CENPE: variants seen among roughly 807,000 people sequenced by gnomAD.
CENPE encodes centromere protein E.
CENPE carries 145 observed loss-of-function variants against 336.1 expected under a neutral mutation model. That is an observed-to-expected ratio of 0.43 (90% confidence interval 0.38 to 0.50). CENPE has a LOEUF of 0.50. Among genes scored for constraint, CENPE ranks in the 20% least tolerant of loss-of-function variants. The pLI is 0.00. For missense variants in CENPE, 2,719 were observed against 3,023.3 expected (o/e 0.90, Z 2.36); for synonymous variants, 1,013 against 984.8 (o/e 1.03, Z -0.54).
rs573730610 is a variant in CENPE at position 103,148,581 on chromosome 4, A to T, written c.3843+263T>A. Among the ~76,000 whole-genome samples, 4 of 152,258 alleles carry T rather than the reference A, an allele frequency of 2.6e-5. No individual in the cohort carries two copies. The South Asian group carries it at 8.3e-4, about 32-fold the overall frequency. ...TTCTCCATAGCATTTACCACTATTT[A>T]ATGTTTTCTTGTTCATTTGATTGCT... On this transcript the variant is annotated intron_variant, in intron 28 of 48. Transcript: ENST00000265148.
intron 39 of CENPE, among the ~76,000 whole-genome samples, chr4:103,137,231 G>T (rs1340974455): frequency 1.3e-5 from 2 of 152,060 alleles, no homozygotes; most frequent in Admixed American, 1.3e-4. Context: ...GAGCAATAAA[G>T]CCTATATCAT....
intron 25 of CENPE, among the ~76,000 whole-genome samples, chr4:103,152,136 C>CA (rs11386251): frequency 0.16 from 24,281 of 147,918 alleles, 2,289 homozygotes; most frequent in Non-Finnish European, 0.21. Flanking sequence ...ATTATGACAG[C>CA]AAAAAAAAAG....
chr4:103,161,271 A>T lies in CENPE; in HGVS notation c.1966-20T>A. On this transcript the variant is annotated intron_variant, in intron 19 of 48. Transcript: ENST00000265148. ...TTCTTTCTATTGAGAAAAACATTGCAAATGCACAAAAATACACTGATCATT... is the reference window on the plus strand; with the variant it reads ...TTCTTTCTATTGAGAAAAACATTGCTAATGCACAAAAATACACTGATCATT... The T allele has an allele frequency of 1.2e-6, 2 of 1,605,528 alleles. No homozygotes were observed. The highest frequency in any genetic ancestry group is 1.7e-6 in the Non-Finnish European group (2 of 1,176,794).
intron 46 of CENPE, among the ~76,000 whole-genome samples, chr4:103,112,012 A>G (rs1046037164): frequency 5.3e-5 from 8 of 151,774 alleles, no homozygotes; most frequent in Non-Finnish European, 8.8e-5. Context: ...GTGTATATGT[A>G]TATACACTTT....
chr4:103,151,829 A>C (rs568510748), intron 25 of CENPE, among the ~76,000 whole-genome samples: 53 of 152,210 alleles, frequency 3.5e-4, no homozygotes, highest in Non-Finnish European at 6.2e-4. Context: ...TTAGGCTCAC[A>C]CAGTGACATT....
At position 103,159,330 on chromosome 4, in the gene CENPE, G is replaced by T; in HGVS notation, c.2287-6C>A. On this transcript the variant is annotated splice_region_variant and splice_polypyrimidine_tract_variant and intron_variant, in intron 21 of 48. Coordinates refer to ENST00000265148, the MANE Select transcript of CENPE (RefSeq NM_001813.3). The stretch of plus-strand genomic sequence containing the variant: ...TCTTCAGATTTGTCTTGTATCTATG[G>T]AAAAGAAATAAAATTTAGGGATGTT... 7.2e-7 allele frequency: 1 copy of T among 1,392,482 alleles called. No individual in the cohort carries two copies. Among genetic ancestry groups the T allele is most frequent in the South Asian group, 1.6e-5 (1 of 61,404 alleles). The allele number at this position is 1,392,482 out of a possible 1,614,324, so 86.3% of individuals were successfully genotyped here.
intron 42 of CENPE, among the ~76,000 whole-genome samples, chr4:103,124,144 C>T (rs903969768): frequency 1.3e-5 from 2 of 152,078 alleles, no homozygotes; most frequent in Non-Finnish European, 2.9e-5. Context: ...GGGTTTGGTA[C>T]CATCCATGGC....
chr4:103,144,225 C>G (rs184905062), intron 33 of CENPE, 106 bp downstream of exon 33: 2 of 946,788 alleles, frequency 2.1e-6, no homozygotes. Flanking sequence ...CTCGAGCCAC[C>G]GCGCCCGGCC....
At chr4:103,111,138 A>C in intron 46 of CENPE, 127 bp from the exon 47 acceptor site, 1 of 607,388 alleles carries the variant, frequency 1.6e-6, no homozygotes, top group Non-Finnish European at 2.7e-6. Flanking sequence ...ATTTCCCTGG[A>C]AGTCACCCTT....
At chr4:103,147,163 T>C (rs1753125149) in intron 29 of CENPE, among the ~76,000 whole-genome samples, 193 bp downstream of exon 29, 1 of 152,218 alleles carries the variant, frequency 6.6e-6, no homozygotes, top group Non-Finnish European at 1.5e-5. Flanking sequence ...CTGAAACATC[T>C]TCTCTCTGTT....
At chr4:103,157,059 C>CAAA (rs34199706) in intron 24 of CENPE, among the ~76,000 whole-genome samples, 11 of 98,014 alleles carry the variant, frequency 1.1e-4, no homozygotes, top group East Asian at 3.3e-4. Flanking sequence ...TGGCTACTAT[C>CAAA]AAAAAAAAAA....
chr4:103,143,135 A>T, intron 34 of CENPE, 113 bp downstream of exon 34: 2 of 619,926 alleles, frequency 3.2e-6, no homozygotes, highest in Non-Finnish European at 5.4e-6. Flanking sequence ...TAAATTGAGT[A>T]GGCAAGTAAG....
At position 103,133,844 on chromosome 4, in the gene CENPE, T is replaced by C. The variant is rs111280115; in HGVS notation, c.6571A>G (p.Ile2191Val). Residue 2191 changes from isoleucine to valine, a missense_variant, in exon 41 of 49, where the codon ATC (isoleucine) becomes GTC (valine). Ile to Val is a conservative substitution (Grantham distance 29). Coordinates refer to ENST00000265148, the MANE Select transcript of CENPE (RefSeq NM_001813.3). ...ATAAAATCCATTTCAAATTTATTGA[T>C]GGATTCATGTTGTTCTTCTTTTATT... ...TKIKEEQHESINKFEMDFIDE... is the reference protein window; with the variant it reads ...TKIKEEQHESVNKFEMDFIDE... The C allele has an allele frequency of 6.5e-5, 104 of 1,599,768 alleles. No homozygotes were observed. In the African/African-American group the frequency reaches 1.0e-3, roughly 16 times the overall value.
At chr4:103,150,014 G>A (rs1349830265) in intron 26 of CENPE, among the ~76,000 whole-genome samples, 1 of 152,166 alleles carries the variant, frequency 6.6e-6, no homozygotes, top group East Asian at 1.9e-4. Flanking sequence ...ATAAGGGGAA[G>A]ATGAGATAAA....
intron 16 of CENPE, among the ~76,000 whole-genome samples, chr4:103,167,048 G>A (rs1177386938): frequency 6.6e-6 from 1 of 151,960 alleles, no homozygotes; most frequent in African/African-American, 2.4e-5. Context: ...TTTAGTATTA[G>A]TTATACTAAT....
At position 103,148,915 on chromosome 4, in the gene CENPE, C is replaced by T. The variant is rs200458836; in HGVS notation, c.3772G>A (p.Val1258Ile). 97 of 1,613,074 alleles carry T rather than the reference C, an allele frequency of 6.0e-5. No individual in the cohort carries two copies. The highest frequency in any genetic ancestry group is 7.0e-5 in the Non-Finnish European group (82 of 1,179,202). ...QETIDELRRS[V>I]SEKTAQIINT... ...ATTATTTGAGCTGTCTTCTCAGATA[C>T]GCTTCTTCTTAGTTCATCAATAGTT... Residue 1258 changes from valine (V) to isoleucine (I), a missense_variant, in exon 28 of 49, where the codon GTA (valine) becomes ATA (isoleucine). Coordinates refer to ENST00000265148, the MANE Select transcript of CENPE (RefSeq NM_001813.3).
intron 16 of CENPE, among the ~76,000 whole-genome samples, chr4:103,173,389 T>TTGAAACTA (rs1196479115): frequency 1.3e-5 from 2 of 151,998 alleles, no homozygotes; most frequent in African/African-American, 4.8e-5. Context: ...ATTCTAAGAC[T>TTGAAACTA]TGAAACTATG....
chr4:103,121,553 T>C (rs115296640), intron 43 of CENPE, among the ~76,000 whole-genome samples: 3,171 of 148,772 alleles, frequency 0.021, 88 homozygotes, highest in African/African-American at 0.069. Context: ...TTCTTTCTTT[T>C]TTTTTTTTTT....
intron 15 of CENPE, among the ~76,000 whole-genome samples, 155 bp downstream of exon 15, chr4:103,175,805 T>C (rs553578782): frequency 7.9e-5 from 12 of 152,272 alleles, no homozygotes; most frequent in Non-Finnish European, 1.3e-4. Context: ...TTCCTCTAGG[T>C]GCCTGATGGT....
Sources: allele counts gnomAD v4.1 joint callset (sites outside exome capture counted in the v4.1 genomes callset), GRCh38; gene constraint gnomAD v4.1.1; transcripts MANE v1.5; gene names NCBI Gene and HGNC (gene_info 2026-07-23, HGNC 2026-07-21).